Variants in HPRT1 observed in about 807,000 individuals in gnomAD.
The protein encoded by HPRT1 is hypoxanthine phosphoribosyltransferase 1.
A neutral mutation model predicts 19.0 loss-of-function variants in HPRT1; 4 were observed. The ratio of observed to expected loss-of-function variants is 0.21; its 90% CI spans 0.10 to 0.48. HPRT1 has a LOEUF of 0.48. Among genes scored for constraint, HPRT1 ranks in the 20% least tolerant of loss-of-function variants. The pLI is 0.98. For missense variants in HPRT1, 65 were observed against 164.0 expected (o/e 0.40, Z 3.30); for synonymous variants, 53 against 54.9 (o/e 0.97, Z 0.15).
At chrX:134,478,133 T>C (rs1202450639) in intron 3 of HPRT1, among the ~76,000 whole-genome samples, 2 of 112,165 alleles carry the variant, frequency 1.8e-5, no homozygotes, top group African/African-American at 6.5e-5. Flanking sequence ...AGTATGATTT[T>C]TACATGCTGA....
chrX:134,490,116 A>G, intron 4 of HPRT1, 72 bp from the exon 5 acceptor site: 2 of 645,508 alleles, frequency 3.1e-6, no homozygotes, highest in South Asian at 2.5e-5. Context: ...GGTTGTTATG[A>G]TGTGATTTGA....
Position 134,475,173 on chromosome X carries a change from T to G in HPRT1, c.135-8T>G. 8.4e-7 allele frequency: 1 copy of G among 1,188,656 alleles called. No homozygotes were observed. The highest frequency in any genetic ancestry group is 1.1e-6 in the Non-Finnish European group (1 of 874,723). ...CTTTCTATTAAATTCCTGATTTTAT[T>G]TCTGTAGGACTGAACGTCTTGCTCG... On this transcript the variant is annotated splice_polypyrimidine_tract_variant and splice_region_variant and intron_variant, in intron 2 of 8. Transcript: ENST00000298556.
chrX:134,494,737 C>T (rs1022453604), intron 6 of HPRT1, among the ~76,000 whole-genome samples: 1 of 112,086 alleles, frequency 8.9e-6, no homozygotes, highest in African/African-American at 3.2e-5. Flanking sequence ...TTTTAAATGT[C>T]AACCTACTGT....
intron 1 of HPRT1, among the ~76,000 whole-genome samples, chrX:134,462,367 A>G (rs1057030546): frequency 9.0e-6 from 1 of 110,537 alleles, no homozygotes; most frequent in African/African-American, 3.3e-5. Flanking sequence ...TTTTTAATAG[A>G]GACGAGGTTT....
At chrX:134,462,055 C>T (rs886998799) in intron 1 of HPRT1, among the ~76,000 whole-genome samples, 3 of 111,798 alleles carry the variant, frequency 2.7e-5, no homozygotes, top group African/African-American at 6.5e-5. Context: ...ACTGCAGCCT[C>T]GACTTCCCGG....
intron 1 of HPRT1, among the ~76,000 whole-genome samples, chrX:134,465,110 G>T (rs1602736724): frequency 9.1e-6 from 1 of 109,385 alleles, no homozygotes; most frequent in Admixed American, 9.9e-5. Flanking sequence ...TAGTAGAGAC[G>T]GGGTTTCACC....
At chrX:134,463,012 T>C (rs767752060) in intron 1 of HPRT1, among the ~76,000 whole-genome samples, 1 of 112,408 alleles carries the variant, frequency 8.9e-6, no homozygotes, top group South Asian at 3.6e-4. Context: ...TAGGTATTTA[T>C]TGAATACTTA....
intron 1 of HPRT1, among the ~76,000 whole-genome samples, chrX:134,468,060 C>T (rs1240429071): frequency 1.8e-5 from 2 of 108,633 alleles, no homozygotes; most frequent in Non-Finnish European, 3.8e-5. Flanking sequence ...GATCAACTTG[C>T]CTTGGCCTCC....
chrX:134,491,966 C>T lies in HPRT1; in HGVS notation c.403-1542C>T, dbSNP rs387714. On this transcript the variant is annotated intron_variant, in intron 5 of 8. Transcript: ENST00000298556. ...GTGTGTGTATATATATATATACACACACATATATAAATATATATACATATA... is the reference window on the plus strand; with the variant it reads ...GTGTGTGTATATATATATATACACATACATATATAAATATATATACATATA... Among the ~76,000 whole-genome samples, 29 of 97,249 alleles carry T rather than the reference C, an allele frequency of 3.0e-4. No individual in the cohort carries two copies. The East Asian group carries it at 7.8e-3, about 26-fold the overall frequency. 84.4% of individuals were successfully genotyped at this position (97,249 alleles called of 115,157 possible).
At chrX:134,487,843 C>G (rs902164489) in intron 4 of HPRT1, among the ~76,000 whole-genome samples, 4 of 111,350 alleles carry the variant, frequency 3.6e-5, no homozygotes, top group Non-Finnish European at 7.5e-5. Flanking sequence ...CATGCTTTGT[C>G]CATATTTAGA....
At chrX:134,465,491 TATA>T (rs2077594568) in intron 1 of HPRT1, among the ~76,000 whole-genome samples, 1 of 112,164 alleles carries the variant, frequency 8.9e-6, no homozygotes, top group East Asian at 2.8e-4. Context: ...TAAAAAAAAT[TATA>T]ATGCCAGTTT....
At chrX:134,478,142 G>C (rs1053000540) in intron 3 of HPRT1, among the ~76,000 whole-genome samples, 4 of 111,965 alleles carry the variant, frequency 3.6e-5, no homozygotes, top group Non-Finnish European at 7.5e-5. Context: ...TTTACATGCT[G>C]ATCTTGACCA....
At chrX:134,499,250 G>A (rs1025016624) in intron 8 of HPRT1, among the ~76,000 whole-genome samples, 2 of 111,368 alleles carry the variant, frequency 1.8e-5, no homozygotes, top group Admixed American at 9.6e-5. Context: ...AGGCCAAGCC[G>A]GACAGATCAC....
intron 6 of HPRT1, among the ~76,000 whole-genome samples, chrX:134,497,673 G>A (rs963889968): frequency 1.8e-5 from 2 of 110,600 alleles, no homozygotes; most frequent in African/African-American, 3.3e-5. Context: ...GTGGCCAGGC[G>A]CGGTGGCTTA....
At chrX:134,474,624 C>G (rs1352605471) in intron 2 of HPRT1, among the ~76,000 whole-genome samples, 1 of 110,282 alleles carries the variant, frequency 9.1e-6, no homozygotes, top group Admixed American at 9.8e-5. Flanking sequence ...GCCATGTTAC[C>G]CAGCCTCCCA....
At chrX:134,491,964 C>T (rs1403991393) in intron 5 of HPRT1, among the ~76,000 whole-genome samples, 1 of 98,068 alleles carries the variant, frequency 1.0e-5, no homozygotes, top group African/African-American at 3.8e-5. Context: ...TATATATACA[C>T]ACACATATAT....
At chrX:134,485,586 C>T (rs2077650750) in intron 3 of HPRT1, among the ~76,000 whole-genome samples, 1 of 111,762 alleles carries the variant, frequency 8.9e-6, no homozygotes, top group South Asian at 3.7e-4. Flanking sequence ...TCATCTTTTC[C>T]CTACTGACTC....
chrX:134,494,269 T>TATGC (rs1268365730), intron 6 of HPRT1, among the ~76,000 whole-genome samples: 1 of 112,318 alleles, frequency 8.9e-6, no homozygotes, highest in African/African-American at 3.2e-5. Flanking sequence ...ACCTTAAGTT[T>TATGC]TTAATAGAGT....
chrX:134,487,957 G>A (rs111436341), intron 4 of HPRT1, among the ~76,000 whole-genome samples: 6 of 111,207 alleles, frequency 5.4e-5, no homozygotes, highest in African/African-American at 2.0e-4. Context: ...CCCACCTAAT[G>A]GCTCTGTTCT....
Sources: allele counts gnomAD v4.1 joint callset (sites outside exome capture counted in the v4.1 genomes callset), GRCh38; gene constraint gnomAD v4.1.1; transcripts MANE v1.5; gene names NCBI Gene and HGNC (gene_info 2026-07-23, HGNC 2026-07-21).